Variants in EIF2A observed in about 807,000 individuals in gnomAD.
EIF2A encodes the protein 65 kDa eukaryotic translation initiation factor 2A.
EIF2A carries 62 observed loss-of-function variants against 75.2 expected under a neutral mutation model. The ratio of observed to expected loss-of-function variants is 0.82; its 90% CI spans 0.67 to 1.02. EIF2A has a LOEUF of 1.02. Ranked by LOEUF, EIF2A falls within the 50% of genes least tolerant of loss-of-function variation. EIF2A has a pLI of 0.00. For missense variants in EIF2A, 611 were observed against 677.7 expected (o/e 0.90, Z 1.09); for synonymous variants, 207 against 239.0 (o/e 0.87, Z 1.23).
At chr3:150,558,635 G>A in intron 3 of EIF2A, 173 bp downstream of exon 3, 1 of 441,456 alleles carries the variant, frequency 2.3e-6, no homozygotes, top group Non-Finnish European at 3.8e-6. Flanking sequence ...TCATTTCTAT[G>A]TATATGCCAT....
At position 150,568,179 on chromosome 3, in the gene EIF2A, C is replaced by T. The variant is rs1192938067; in HGVS notation, c.698C>T (p.Thr233Ile). The change falls in exon 9 of 14, where the codon ACT (threonine) becomes ATT (isoleucine). Residue 233 changes from threonine to isoleucine, a missense_variant. Physicochemically the swap from Thr to Ile is moderately conservative, Grantham distance 89 (BLOSUM62 -1). Coordinates refer to ENST00000460851, the MANE Select transcript of EIF2A (RefSeq NM_032025.5). Reference protein sequence around the residue: ...KVTMLWNKKATAVLVIASTDV... With the variant: ...KVTMLWNKKAIAVLVIASTDV... ...ATTAAAGTTTTTACTGTTATAGCTA[C>T]TGCTGTGTTGGTAATAGCTAGCACA... 1 of 1,611,630 alleles carries T rather than the reference C, an allele frequency of 6.2e-7. No homozygotes were observed. The highest frequency in any genetic ancestry group is 8.5e-7 in the Non-Finnish European group (1 of 1,179,120).
At chr3:150,549,693 A>G (rs1163343205) in intron 1 of EIF2A, among the ~76,000 whole-genome samples, 1 of 152,172 alleles carries the variant, frequency 6.6e-6, no homozygotes, top group Non-Finnish European at 1.5e-5. Context: ...CCTTTGTATC[A>G]GTCAACTTTT....
At chr3:150,547,578 T>G (rs1723109909) in intron 1 of EIF2A, among the ~76,000 whole-genome samples, 1 of 151,588 alleles carries the variant, frequency 6.6e-6, no homozygotes, top group Non-Finnish European at 1.5e-5. Context: ...GAAAAGAGAG[T>G]CGGGAAGGAA....
chr3:150,564,696 T>C (rs1329219552), intron 6 of EIF2A: 2 of 201,598 alleles, frequency 9.9e-6, no homozygotes, highest in African/African-American at 2.4e-5. Context: ...AATTTTAAAC[T>C]TCAGACACCT....
intron 3 of EIF2A, among the ~76,000 whole-genome samples, chr3:150,561,134 T>A (rs9820529): frequency 0.81 from 121,337 of 150,650 alleles, 49,651 homozygotes; most frequent in East Asian, 0.91. Context: ...TTAAAAAAAA[T>A]TTTTTTTTTA....
At chr3:150,557,133 A>G (rs1414537260) in intron 2 of EIF2A, among the ~76,000 whole-genome samples, 3 of 152,194 alleles carry the variant, frequency 2.0e-5, no homozygotes, top group Non-Finnish European at 4.4e-5. Context: ...GAACAGTCTT[A>G]TAAATAATTT....
intron 3 of EIF2A, among the ~76,000 whole-genome samples, chr3:150,560,279 G>T (rs1238764583): frequency 6.6e-6 from 1 of 152,072 alleles, no homozygotes; most frequent in Non-Finnish European, 1.5e-5. Flanking sequence ...TGACCACAAT[G>T]GTACTTATTG....
At chr3:150,558,540 TG>T in intron 3 of EIF2A, 78 bp downstream of exon 3, 1 of 1,224,386 alleles carries the variant, frequency 8.2e-7, no homozygotes, top group Non-Finnish European at 1.1e-6. Context: ...AACAGATATT[TG>T]AGTGTCATTA....
At chr3:150,549,123 AT>A (rs11438548) in intron 1 of EIF2A, among the ~76,000 whole-genome samples, 68 of 149,644 alleles carry the variant, frequency 4.5e-4, no homozygotes, top group African/African-American at 1.3e-3. Context: ...TGAAAAAGGG[AT>A]TTTTTTTTTT....
At chr3:150,582,023 C>T (rs377038016) in intron 12 of EIF2A, among the ~76,000 whole-genome samples, 5 of 151,120 alleles carry the variant, frequency 3.3e-5, no homozygotes, top group South Asian at 2.1e-4. Flanking sequence ...TTTTTTGAGA[C>T]GGAGTCTTGC....
intron 6 of EIF2A, 185 bp from the exon 7 acceptor site, chr3:150,567,508 G>A: frequency 2.0e-6 from 1 of 506,012 alleles, no homozygotes; most frequent in South Asian, 3.2e-5. Flanking sequence ...AGTAGAAATT[G>A]AAGCCTACAT....
chr3:150,569,237 A>G (rs1194952762), intron 9 of EIF2A, among the ~76,000 whole-genome samples: 5 of 152,194 alleles, frequency 3.3e-5, no homozygotes, highest in Admixed American at 3.3e-4. Flanking sequence ...TATAACAGCT[A>G]CTTTAAAAAA....
At chr3:150,578,761 T>C (rs1002658660) in intron 11 of EIF2A, among the ~76,000 whole-genome samples, 2 of 152,184 alleles carry the variant, frequency 1.3e-5, no homozygotes, top group African/African-American at 2.4e-5. Context: ...TTAGTAAAAG[T>C]TGTGGCTGTG....
chr3:150,548,504 T>C (rs529469699), intron 1 of EIF2A, among the ~76,000 whole-genome samples: 3 of 152,288 alleles, frequency 2.0e-5, no homozygotes, highest in African/African-American at 4.8e-5. Context: ...TGGTAGACAA[T>C]AGATACTCTA....
chr3:150,574,347 A>G (rs1724737931), intron 10 of EIF2A, among the ~76,000 whole-genome samples: 1 of 152,218 alleles, frequency 6.6e-6, no homozygotes, highest in Non-Finnish European at 1.5e-5. Flanking sequence ...CAGTGGCTAC[A>G]TGATGCTCAT....
chr3:150,548,860 A>G (rs973801047), intron 1 of EIF2A, among the ~76,000 whole-genome samples: 2 of 152,194 alleles, frequency 1.3e-5, no homozygotes, highest in Non-Finnish European at 2.9e-5. Flanking sequence ...TTCACACTGC[A>G]AATTGGCAGG....
Position 150,553,674 on chromosome 3 carries a change from G to T in EIF2A, c.98+1249G>T, listed in dbSNP as rs1271722738. 2.0e-5 allele frequency among the ~76,000 whole-genome samples: 3 copies of T among 152,106 alleles called. No individual in the cohort carries two copies. In the East Asian group the frequency reaches 5.8e-4, roughly 29 times the overall value. On this transcript the variant is annotated intron_variant, in intron 2 of 13. Coordinates refer to ENST00000460851, the MANE Select transcript of EIF2A (RefSeq NM_032025.5). ...GATCCACCTGTCTCATCCTCCCAAA[G>T]TGCTGGGATTACAGACGTGAGCCAC...
chr3:150,583,147 G>T, intron 12 of EIF2A, 53 bp from the exon 13 acceptor site: 1 of 1,502,272 alleles, frequency 6.7e-7, no homozygotes, highest in Non-Finnish European at 9.1e-7. Context: ...AAGGAAATTT[G>T]CATTTGAAGT....
At chr3:150,552,664 T>G (rs1324876315) in intron 2 of EIF2A, 1 of 331,302 alleles carries the variant, frequency 3.0e-6, no homozygotes, top group East Asian at 5.2e-5. Context: ...AGAAAAAGTG[T>G]AGACACTAGT....
Sources: allele counts gnomAD v4.1 joint callset (sites outside exome capture counted in the v4.1 genomes callset), GRCh38; gene constraint gnomAD v4.1.1; transcripts MANE v1.5; gene names NCBI Gene and HGNC (gene_info 2026-07-23, HGNC 2026-07-21).